Variants in RNF41 observed in about 807,000 individuals in gnomAD.
RNF41 encodes the protein ring finger protein 41.
Under a neutral mutation model 33.0 loss-of-function variants are expected in RNF41, and 4 were observed. The observed-to-expected ratio is 0.12, with a 90% confidence interval of 0.06 to 0.28. The LOEUF is 0.28. Ranked by LOEUF, RNF41 falls within the 10% of genes least tolerant of loss-of-function variation. RNF41 has a pLI of 1.00. For synonymous variants in RNF41, 164 were observed against 153.2 expected (o/e 1.07, Z -0.52); for missense variants, 228 against 432.6 (o/e 0.53, Z 4.19).
At chr12:56,221,209 C>G (rs1035423838) in intron 1 of RNF41, among the ~76,000 whole-genome samples, 2 of 152,082 alleles carry the variant, frequency 1.3e-5, no homozygotes, top group African/African-American at 2.4e-5. Context: ...GTGTGTGAAC[C>G]CTGCCAGAGA....
At position 56,206,129 on chromosome 12, in the gene RNF41, T is replaced by A. The variant is rs1168197299; in HGVS notation, c.*318A>T. On this transcript the variant is annotated 3_prime_UTR_variant, in exon 7 of 7. Coordinates refer to ENST00000345093, the MANE Select transcript of RNF41 (RefSeq NM_005785.4). The surrounding 1 kb of genome is among the most constrained non-coding windows in gnomAD (Gnocchi z 5.7). ...CTCTGTCCTGATCCTCCAGGGAAATTGAATCTCTTTGTGCTTTCTGAAAAT... is the reference window on the plus strand; with the variant it reads ...CTCTGTCCTGATCCTCCAGGGAAATAGAATCTCTTTGTGCTTTCTGAAAAT... 10 of 293,710 alleles carry A rather than the reference T, an allele frequency of 3.4e-5. No individual in the cohort carries two copies. The East Asian group carries it at 7.5e-4, about 22-fold the overall frequency. The allele number at this position is 293,710 out of a possible 1,614,324, so 18.2% of individuals were successfully genotyped here.
In RNF41 at chr12:56,210,467, A is replaced by G. The variant is rs781645291; in HGVS notation, c.192T>C (p.His64=). ...GCATGATCCGAGGTACTGGGCGCAGATGGGCGACCGTCACAACACTACGGT... is the reference window on the plus strand; with the variant it reads ...GCATGATCCGAGGTACTGGGCGCAGGTGGGCGACCGTCACAACACTACGGT... The part of the protein sequence containing the change: ...PVDRSVVTVA[H]LRPVPRIMRN... The change falls in exon 4 of 7, where the codon CAT becomes CAC. Residue 64 remains histidine, a synonymous_variant. Transcript: ENST00000345093. 3.7e-6 allele frequency: 6 copies of G among 1,614,252 alleles called. No homozygotes were observed. The highest frequency in any genetic ancestry group is 1.1e-5 in the South Asian group (1 of 91,088).
At chr12:56,209,164 CTATT>C (rs1377869977) in intron 4 of RNF41, among the ~76,000 whole-genome samples, 2 of 152,264 alleles carry the variant, frequency 1.3e-5, no homozygotes, top group East Asian at 3.9e-4. Context: ...CGCACGGGGC[CTATT>C]TATTTATTTT....
At chr12:56,214,136 C>G (rs2135809698) in intron 2 of RNF41, 66 bp from the exon 3 acceptor site, 1 of 856,498 alleles carries the variant, frequency 1.2e-6, no homozygotes, top group Non-Finnish European at 2.0e-6. Flanking sequence ...CAAACATACA[C>G]TCATTGCCAA....
At chr12:56,213,193 C>T in intron 3 of RNF41, 2 of 1,165,616 alleles carry the variant, frequency 1.7e-6, no homozygotes, top group Non-Finnish European at 2.2e-6. Flanking sequence ...TCCCCACTTC[C>T]TATTTGTTTT....
chr12:56,206,503 T>C lies in RNF41; in HGVS notation c.898A>G (p.Met300Val). The part of the protein sequence containing the change: ...ACENQHMGDD[M>V]VQEPGLVMIF... The stretch of plus-strand genomic sequence containing the variant: ...ATGACAAGGCCTGGCTCTTGCACCA[T>C]GTCATCCCCCATGTGCTGGTTCTCA... Residue 300 changes from methionine to valine, a missense_variant, in exon 7 of 7, where the codon ATG becomes GTG. Met to Val is a conservative substitution (Grantham distance 21). This residue lies in a region of RNF41 where 199 missense variants were observed against 334.6 expected (regional missense o/e 0.59). Coordinates refer to ENST00000345093, the MANE Select transcript of RNF41 (RefSeq NM_005785.4). This position sits in a 1 kb window ranked among gnomAD's most constrained non-coding sequence, Gnocchi z 5.7. 6.2e-7 allele frequency: 1 copy of C among 1,614,222 alleles called. No homozygotes were observed. Among genetic ancestry groups the C allele is most frequent in the East Asian group, 2.2e-5 (1 of 44,880 alleles).
intron 3 of RNF41, among the ~76,000 whole-genome samples, chr12:56,211,731 G>C (rs1014000620): frequency 1.3e-5 from 2 of 152,054 alleles, no homozygotes; most frequent in Admixed American, 1.3e-4. Context: ...CCAGCACTTT[G>C]GGAGGCTGAG....
intron 4 of RNF41, 133 bp from the exon 5 acceptor site, chr12:56,208,431 T>A (rs1868318164): frequency 4.6e-6 from 4 of 865,910 alleles, no homozygotes; most frequent in Non-Finnish European, 7.2e-6. Context: ...ATTTCAGGCC[T>A]CCCTCTTGTT....
At chr12:56,212,048 C>T (rs1868522833) in intron 3 of RNF41, among the ~76,000 whole-genome samples, 1 of 152,134 alleles carries the variant, frequency 6.6e-6, no homozygotes, top group Non-Finnish European at 1.5e-5. Flanking sequence ...CTTTGGGAGG[C>T]CAAGGCAGGC....
chr12:56,213,515 G>C (rs748446603), intron 3 of RNF41, among the ~76,000 whole-genome samples: 1 of 152,140 alleles, frequency 6.6e-6, no homozygotes, highest in Non-Finnish European at 1.5e-5. Flanking sequence ...ACAGTAGGCA[G>C]GTAGAAGAGG....
intron 1 of RNF41, among the ~76,000 whole-genome samples, chr12:56,221,287 G>C (rs1869401088): frequency 6.6e-6 from 1 of 152,188 alleles, no homozygotes; most frequent in Non-Finnish European, 1.5e-5. Context: ...CTGGGAGGGG[G>C]TGAGGAGCGG....
intron 3 of RNF41, among the ~76,000 whole-genome samples, chr12:56,212,110 G>A (rs1172220621): frequency 6.6e-6 from 1 of 152,162 alleles, no homozygotes; most frequent in Non-Finnish European, 1.5e-5. Flanking sequence ...GTGAAACACA[G>A]ATATATTCAT....
intron 4 of RNF41, chr12:56,209,940 G>A (rs746845137): frequency 5.4e-4 from 149 of 273,528 alleles, no homozygotes; most frequent in Non-Finnish European, 9.7e-4. Flanking sequence ...ATAACCCACA[G>A]AAATAAAAAA....
At chr12:56,210,165 G>T in intron 4 of RNF41, 132 bp downstream of exon 4, 1 of 886,432 alleles carries the variant, frequency 1.1e-6, no homozygotes, top group Non-Finnish European at 1.7e-6. Context: ...AGAGCAGGAA[G>T]CCAAGGAGGC....
At chr12:56,216,967 C>T (rs1008283992) in intron 1 of RNF41, among the ~76,000 whole-genome samples, 10 of 151,546 alleles carry the variant, frequency 6.6e-5, no homozygotes, top group South Asian at 6.3e-4. Flanking sequence ...GGTGAAACCC[C>T]GTCTCTACTA....
chr12:56,219,809 G>A (rs968572062), intron 1 of RNF41, among the ~76,000 whole-genome samples: 1 of 151,480 alleles, frequency 6.6e-6, no homozygotes, highest in Non-Finnish European at 1.5e-5. Context: ...GAGTCCAAGA[G>A]TTTGAGACCA....
intron 1 of RNF41, among the ~76,000 whole-genome samples, chr12:56,218,681 T>C: frequency 6.7e-6 from 1 of 148,784 alleles, no homozygotes. Context: ...GTATATATAA[T>C]ATATACATAT....
At chr12:56,215,125 A>T (rs1175691085) in intron 2 of RNF41, among the ~76,000 whole-genome samples, 1 of 152,144 alleles carries the variant, frequency 6.6e-6, no homozygotes, top group African/African-American at 2.4e-5. Flanking sequence ...GGCATATGAT[A>T]GGTTCAGAGA....
rs535514577 is a variant in RNF41 at position 56,220,008 on chromosome 12, C to T, written c.-209+1752G>A. 2.1e-5 allele frequency among the ~76,000 whole-genome samples: 3 copies of T among 140,824 alleles called. No individual in the cohort carries two copies. The South Asian group carries it at 6.9e-4, about 32-fold the overall frequency. The allele number at this position is 140,824 out of a possible 152,430, so 92.4% of individuals were successfully genotyped here. A position where few individuals can be genotyped will look rare whatever the true frequency, so the allele number is the denominator to read the frequency against. ...CTCCGGCCTGGGTGACAGAGTGAGA[C>T]CCTGTCTCAAAAATAAATAAATAAA... On this transcript the variant is annotated intron_variant, in intron 1 of 6. Coordinates refer to ENST00000345093, the MANE Select transcript of RNF41 (RefSeq NM_005785.4).
Sources: allele counts gnomAD v4.1 joint callset (sites outside exome capture counted in the v4.1 genomes callset), GRCh38; gene constraint gnomAD v4.1.1; regional missense constraint gnomAD v4.1.1; non-coding constraint Gnocchi (gnomAD v3.1); transcripts MANE v1.5; gene names NCBI Gene and HGNC (gene_info 2026-07-23, HGNC 2026-07-21).